Variants in HS6ST3 observed in about 807,000 individuals in gnomAD.
HS6ST3 encodes heparan sulfate 6-O-sulfotransferase 3.
HS6ST3 carries 12 observed loss-of-function variants against 36.7 expected under a neutral mutation model. That is an observed-to-expected ratio of 0.33 (90% confidence interval 0.21 to 0.53). The LOEUF is 0.53. HS6ST3 is among the 20% of genes least tolerant of loss of function. The pLI is 0.95. For missense variants in HS6ST3, 584 were observed against 640.9 expected (o/e 0.91, Z 0.96); for synonymous variants, 240 against 257.5 (o/e 0.93, Z 0.65).
intron 1 of HS6ST3, among the ~76,000 whole-genome samples, chr13:96,496,769 T>C (rs781304885): frequency 2.6e-4 from 40 of 151,944 alleles, no homozygotes; most frequent in Non-Finnish European, 4.7e-4. Flanking sequence ...GCCATTAAGC[T>C]TTAGGGTGAC....
rs76185069 is a variant in HS6ST3 at position 96,159,822 on chromosome 13, G to A, written c.707+68253G>A. ...TAAAAACATGGGAGTTTCTGAGCAA[G>A]CGTGTCCTTCCAGTGAACACTAATG... On this transcript the variant is annotated intron_variant, in intron 1 of 1. Transcript: ENST00000376705. Among the ~76,000 whole-genome samples the A allele has an allele frequency of 1.4e-3, 219 of 152,300 alleles. 1 individual carries two copies. In the Middle Eastern group the frequency reaches 0.017, roughly 12 times the overall value.
At chr13:96,716,159 T>C (rs1875690046) in intron 1 of HS6ST3, among the ~76,000 whole-genome samples, 1 of 152,156 alleles carries the variant, frequency 6.6e-6, no homozygotes. Context: ...TAATCACTCT[T>C]ATTTCTTTAA....
In HS6ST3 at chr13:96,091,018, G is replaced by C; in HGVS notation, c.156G>C (p.Pro52=). ...RAGEAGPPAV[P]GPARRAQAPP... ...GGGAGGCCGGCCCGCCCGCCGTCCC[G>C]GGTCCCGCCCGCCGGGCTCAGGCGC... The change falls in exon 1 of 2, where the codon CCG becomes CCC. Residue 52 remains proline (P), a synonymous_variant. Transcript: ENST00000376705. 1.6e-6 allele frequency: 2 copies of C among 1,265,842 alleles called. No homozygotes were observed. The highest frequency in any genetic ancestry group is 4.2e-4 in the Middle Eastern group (2 of 4,764). The allele number at this position is 1,265,842 out of a possible 1,614,324, so 78.4% of individuals were successfully genotyped here. A position where few individuals can be genotyped will look rare whatever the true frequency, so the allele number is the denominator to read the frequency against.
chr13:96,247,133 C>G (rs1260624433), intron 1 of HS6ST3, among the ~76,000 whole-genome samples: 1 of 151,922 alleles, frequency 6.6e-6, no homozygotes, highest in Non-Finnish European at 1.5e-5. Context: ...TATTTAAAAT[C>G]TTAACTTTCA....
At chr13:96,379,052 T>G (rs145648701) in intron 1 of HS6ST3, among the ~76,000 whole-genome samples, 3 of 152,114 alleles carry the variant, frequency 2.0e-5, no homozygotes, top group African/African-American at 7.2e-5. Flanking sequence ...CTCCTAAATG[T>G]TTTTGTCTTT....
At chr13:96,671,147 C>A (rs576792258) in intron 1 of HS6ST3, among the ~76,000 whole-genome samples, 1 of 152,272 alleles carries the variant, frequency 6.6e-6, no homozygotes, top group Admixed American at 6.5e-5. Flanking sequence ...CAGCTGCCTA[C>A]CTGCTTCCAC....
At chr13:96,558,821 T>G (rs2056250831) in intron 1 of HS6ST3, among the ~76,000 whole-genome samples, 1 of 152,130 alleles carries the variant, frequency 6.6e-6, no homozygotes, top group African/African-American at 2.4e-5. Flanking sequence ...AAATGTAAAT[T>G]TTATTACTCT....
At chr13:96,639,850 C>T (rs2056564047) in intron 1 of HS6ST3, among the ~76,000 whole-genome samples, 1 of 151,926 alleles carries the variant, frequency 6.6e-6, no homozygotes. Flanking sequence ...GGATAACGGT[C>T]ACCAGCTACA....
chr13:96,590,602 A>G (rs933161919), intron 1 of HS6ST3, among the ~76,000 whole-genome samples: 5 of 152,010 alleles, frequency 3.3e-5, no homozygotes, highest in African/African-American at 9.6e-5. Context: ...CCATTATTAG[A>G]TGGGTATTCT....
intron 1 of HS6ST3, among the ~76,000 whole-genome samples, chr13:96,703,596 A>G (rs778406737): frequency 3.9e-5 from 6 of 152,100 alleles, no homozygotes; most frequent in Non-Finnish European, 7.4e-5. Context: ...ACTTACTACA[A>G]TTGCTCCATT....
intron 1 of HS6ST3, among the ~76,000 whole-genome samples, chr13:96,544,079 C>T (rs2138944057): frequency 6.6e-6 from 1 of 151,962 alleles, no homozygotes; most frequent in South Asian, 2.1e-4. Context: ...ATGAACTCAC[C>T]CTACATCCAC....
chr13:96,515,568 T>A (rs2056069051), intron 1 of HS6ST3, among the ~76,000 whole-genome samples: 1 of 152,216 alleles, frequency 6.6e-6, no homozygotes, highest in South Asian at 2.1e-4. Flanking sequence ...CCTCCTCTGA[T>A]ATGGTTGGCT....
chr13:96,807,048 C>A (rs188786652), intron 1 of HS6ST3, among the ~76,000 whole-genome samples: 1 of 152,286 alleles, frequency 6.6e-6, no homozygotes, highest in Admixed American at 6.5e-5. Flanking sequence ...GACTTAAATT[C>A]TCTGTGGCTT....
chr13:96,711,553 A>G lies in HS6ST3; in HGVS notation c.708-120937A>G, dbSNP rs529177949. Among the ~76,000 whole-genome samples, 32 of 152,062 alleles carry G rather than the reference A, an allele frequency of 2.1e-4. 1 individual carries two copies. Among genetic ancestry groups the G allele is most frequent in the Middle Eastern group, 6.9e-3 (2 of 290 alleles). On this transcript the variant is annotated intron_variant, in intron 1 of 1. Transcript: ENST00000376705. ...ATGACCCACGTCTTTGTCTGTCTTC[A>G]CTCCCTTTTACTTTTGTCACTTCCT...
At chr13:96,517,360 A>G (rs1000743453) in intron 1 of HS6ST3, among the ~76,000 whole-genome samples, 1 of 152,192 alleles carries the variant, frequency 6.6e-6, no homozygotes, top group Admixed American at 6.5e-5. Context: ...AGCATAGGCA[A>G]CAGAGCAAGA....
intron 1 of HS6ST3, among the ~76,000 whole-genome samples, chr13:96,404,693 T>G (rs2055468315): frequency 6.6e-6 from 1 of 152,204 alleles, no homozygotes; most frequent in African/African-American, 2.4e-5. Context: ...CAGCAAAAAC[T>G]TCACACTAAT....
At chr13:96,588,474 A>C (rs2056370213) in intron 1 of HS6ST3, among the ~76,000 whole-genome samples, 1 of 152,160 alleles carries the variant, frequency 6.6e-6, no homozygotes, top group Non-Finnish European at 1.5e-5. Context: ...CTTTTTCTGC[A>C]TCTGTTGAAA....
chr13:96,351,335 T>TTTTTTTTTTTTTTTTTA (rs1203595829), intron 1 of HS6ST3, among the ~76,000 whole-genome samples: 8 of 146,404 alleles, frequency 5.5e-5, no homozygotes, highest in African/African-American at 2.1e-4. Context: ...TTTTTTTTTT[T>TTTTTTTTTTTTTTTTTA]AAAAAAAACA....
At chr13:96,301,772 C>T (rs1353419468) in intron 1 of HS6ST3, among the ~76,000 whole-genome samples, 6 of 151,310 alleles carry the variant, frequency 4.0e-5, no homozygotes, top group African/African-American at 9.7e-5. Context: ...TAGTTGGGCA[C>T]GGTGGTGGGT....
Sources: allele counts gnomAD v4.1 joint callset (sites outside exome capture counted in the v4.1 genomes callset), GRCh38; gene constraint gnomAD v4.1.1; transcripts MANE v1.5; gene names NCBI Gene and HGNC (gene_info 2026-07-23, HGNC 2026-07-21).